Variants in MEGF11 observed in about 807,000 individuals in gnomAD.
MEGF11 encodes multiple epidermal growth factor-like domains protein 11.
A neutral mutation model predicts 146.6 loss-of-function variants in MEGF11; 126 were observed. The ratio of observed to expected loss-of-function variants is 0.86; its 90% CI spans 0.74 to 1.00. The LOEUF is 1.00. Among genes scored for constraint, MEGF11 ranks in the 50% least tolerant of loss-of-function variants. MEGF11 has a pLI of 0.00. For missense variants in MEGF11, 1,509 were observed against 1,521.2 expected, an observed-to-expected ratio of 0.99 and a Z score of 0.13; for synonymous variants, 532 against 583.4, an observed-to-expected ratio of 0.91 and a Z score of 1.27.
intron 10 of MEGF11, among the ~76,000 whole-genome samples, chr15:65,955,267 T>C (rs2080541424): frequency 2.6e-5 from 4 of 152,100 alleles, no homozygotes; most frequent in Admixed American, 2.6e-4. Flanking sequence ...CTGTGGAAAT[T>C]ACAACAAAAA....
At chr15:66,252,076 A>G (rs1275368271) in intron 1 of MEGF11, among the ~76,000 whole-genome samples, 1 of 152,204 alleles carries the variant, frequency 6.6e-6, no homozygotes, top group East Asian at 1.9e-4. Flanking sequence ...CAGCACTCCA[A>G]CAAAGAGAGC....
chr15:65,964,988 G>T lies in MEGF11; in HGVS notation c.1032C>A (p.Cys344Ter). Residue 344 changes from cysteine to a stop codon, truncating the protein, a stop_gained, in exon 9 of 26, where the codon TGC becomes TGA. Transcript: ENST00000395614. LOFTEE classifies it high-confidence loss of function. ...ECEPGYKGPRCQERLCPEGLH... is the reference protein window; with the variant it reads ...ECEPGYKGPR ...GGCCCTCCGGGCACAGTCGCTCCTGGCAGCGTGGGCCCTTGTAGCCAGGCT... is the reference window on the plus strand; with the variant it reads ...GGCCCTCCGGGCACAGTCGCTCCTGTCAGCGTGGGCCCTTGTAGCCAGGCT... 6.4e-7 allele frequency: 1 copy of T among 1,568,244 alleles called. No homozygotes were observed. The highest frequency in any genetic ancestry group is 8.6e-7 in the Non-Finnish European group (1 of 1,156,866).
Position 65,896,107 on chromosome 15 carries a change from A to G in MEGF11, c.*1827T>C, listed in dbSNP as rs1254771481. 6.6e-6 allele frequency: 1 copy of G among 152,420 alleles called. No homozygotes were observed. The highest frequency in any genetic ancestry group is 1.5e-5 in the Non-Finnish European group (1 of 68,028). 9.4% of individuals were successfully genotyped at this position (152,420 alleles called of 1,614,324 possible). A position where few individuals can be genotyped will look rare whatever the true frequency, so the allele number is the denominator to read the frequency against. On this transcript the variant is annotated 3_prime_UTR_variant, in exon 26 of 26. Coordinates refer to ENST00000395614, the MANE Select transcript of MEGF11 (RefSeq NM_001385028.1). ...TCACAAACACTTGCTGCCCTGAAAT[A>G]CTGAGGTAAGCTGCTTACCTATATT...
intron 24 of MEGF11, among the ~76,000 whole-genome samples, chr15:65,900,527 T>C (rs940309384): frequency 2.0e-5 from 3 of 152,246 alleles, no homozygotes; most frequent in African/African-American, 7.2e-5. Context: ...CAGATAGTAT[T>C]TCCTCAATCT....
At chr15:66,142,890 C>T (rs74021646) in intron 1 of MEGF11, among the ~76,000 whole-genome samples, 4,869 of 152,288 alleles carry the variant, frequency 0.032, 286 homozygotes, top group African/African-American at 0.11. Flanking sequence ...CAGCAGCATC[C>T]ACCAGCCATG....
At chr15:66,206,910 T>A (rs2091314123) in intron 1 of MEGF11, among the ~76,000 whole-genome samples, 1 of 151,836 alleles carries the variant, frequency 6.6e-6, no homozygotes, top group Admixed American at 6.6e-5. Context: ...AATTAAAAAA[T>A]TCAAAAAATT....
intron 4 of MEGF11, among the ~76,000 whole-genome samples, chr15:66,107,082 G>C (rs1029153233): frequency 2.0e-5 from 3 of 151,374 alleles, no homozygotes; most frequent in African/African-American, 4.9e-5. Flanking sequence ...GACAGGGAGG[G>C]GATGGTGGGA....
At chr15:66,011,122 C>G (rs2082698893) in intron 5 of MEGF11, among the ~76,000 whole-genome samples, 1 of 152,210 alleles carries the variant, frequency 6.6e-6, no homozygotes, top group African/African-American at 2.4e-5. Context: ...AGGAGCTGCT[C>G]TGACCCTCCA....
intron 1 of MEGF11, among the ~76,000 whole-genome samples, chr15:66,173,307 A>AT (rs35586865): frequency 8.6e-5 from 13 of 151,642 alleles, no homozygotes; most frequent in Non-Finnish European, 1.6e-4. Flanking sequence ...ACAGAAGGCA[A>AT]TTTTTTTTTA....
At chr15:65,959,888 T>TG (rs2080797734) in intron 9 of MEGF11, among the ~76,000 whole-genome samples, 1 of 152,234 alleles carries the variant, frequency 6.6e-6, no homozygotes. Context: ...AAGCTGTGAT[T>TG]CAAACCCAGG....
chr15:66,164,254 G>A lies in MEGF11; in HGVS notation c.-8-35843C>T, dbSNP rs78854220. ...GAAGTTCAATGGATGGACAGAGAAG[G>A]GCCAGGCTGCCCTGGACTCAGAATT... On this transcript the variant is annotated intron_variant, in intron 1 of 25. Transcript: ENST00000395614. 2.0e-3 allele frequency among the ~76,000 whole-genome samples: 308 copies of A among 152,246 alleles called. 2 individuals carry two copies. Among genetic ancestry groups the A allele is most frequent in the Non-Finnish European group, 3.6e-3 (245 of 68,024 alleles).
chr15:66,182,979 C>T (rs186918641), intron 1 of MEGF11, among the ~76,000 whole-genome samples: 62 of 152,150 alleles, frequency 4.1e-4, no homozygotes, highest in South Asian at 2.1e-3. Flanking sequence ...AGTAAAGAGC[C>T]GCATATCGGA....
intron 10 of MEGF11, among the ~76,000 whole-genome samples, chr15:65,933,738 G>T (rs1053281312): frequency 1.3e-5 from 2 of 152,214 alleles, no homozygotes; most frequent in East Asian, 3.8e-4. Context: ...GGCAGCAGGG[G>T]TGAGGGATCA....
intron 5 of MEGF11, among the ~76,000 whole-genome samples, chr15:66,042,755 G>A (rs1043969462): frequency 6.6e-6 from 1 of 152,252 alleles, no homozygotes; most frequent in Non-Finnish European, 1.5e-5. Context: ...ATAACTGCAG[G>A]CTCCGCTTTG....
chr15:66,248,569 G>C (rs917120264), intron 1 of MEGF11, among the ~76,000 whole-genome samples: 1 of 152,256 alleles, frequency 6.6e-6, no homozygotes, highest in African/African-American at 2.4e-5. Flanking sequence ...TTCCCTGAAG[G>C]CATCTTTCTT....
rs1160591396 is a variant in MEGF11 at position 66,071,258 on chromosome 15, G to C, written c.394+23144C>G. Among the ~76,000 whole-genome samples, 4 of 152,154 alleles carry C rather than the reference G, an allele frequency of 2.6e-5. No homozygotes were observed. In the East Asian group the frequency reaches 7.7e-4, roughly 29 times the overall value. On this transcript the variant is annotated intron_variant, in intron 5 of 25. Coordinates refer to ENST00000395614, the MANE Select transcript of MEGF11 (RefSeq NM_001385028.1). ...CTCTCTCCTAGACTCTACGTTCCTT[G>C]AGGGGAAGAGCTGACATTGTCTCTG...
Position 66,153,738 on chromosome 15 carries a change from A to G in MEGF11, c.-8-25327T>C, listed in dbSNP as rs138683328. On this transcript the variant is annotated intron_variant, in intron 1 of 25. Transcript: ENST00000395614. ...GGAGGCACCCAGAGCATGGCAAGTGATAGGGTCTGTGGCTTTAGAATCAGG... is the reference window on the plus strand; with the variant it reads ...GGAGGCACCCAGAGCATGGCAAGTGGTAGGGTCTGTGGCTTTAGAATCAGG... Among the ~76,000 whole-genome samples the G allele has an allele frequency of 4.7e-4, 72 of 152,216 alleles. 1 individual carries two copies. The South Asian group carries it at 5.0e-3, about 11-fold the overall frequency.
At chr15:65,992,369 C>T (rs1181273423) in intron 5 of MEGF11, among the ~76,000 whole-genome samples, 2 of 150,646 alleles carry the variant, frequency 1.3e-5, no homozygotes, top group Non-Finnish European at 2.9e-5. Flanking sequence ...GGCACTGCAC[C>T]ATTAGGACCC....
At chr15:66,092,484 A>T (rs2086359763) in intron 5 of MEGF11, among the ~76,000 whole-genome samples, 1 of 152,228 alleles carries the variant, frequency 6.6e-6, no homozygotes, top group Non-Finnish European at 1.5e-5. Flanking sequence ...CTGGTGACTG[A>T]ATGGGAGGAG....
Sources: gnomAD v4.1 joint callset for allele counts (sites outside exome capture counted in the v4.1 genomes callset) on GRCh38, gnomAD v4.1.1 for gene constraint, MANE v1.5 for transcripts, NCBI Gene and HGNC (gene_info 2026-07-23, HGNC 2026-07-21) for gene names.